Variants in DSTYK observed in about 807,000 individuals in gnomAD.
DSTYK encodes the protein RIP-homologous kinase.
A neutral mutation model predicts 98.7 loss-of-function variants in DSTYK; 34 were observed. The ratio of observed to expected loss-of-function variants is 0.34; its 90% CI spans 0.26 to 0.46. DSTYK has a LOEUF of 0.46. Ranked by LOEUF, DSTYK falls within the 20% of genes least tolerant of loss-of-function variation. The probability of loss-of-function intolerance (pLI) is 1.00; values close to 1 mark genes in which losing one functional copy is unlikely to be tolerated. For synonymous variants in DSTYK, 462 were observed against 457.3 expected, an observed-to-expected ratio of 1.01 and a Z score of -0.13; for missense variants, 962 against 1,181.7, an observed-to-expected ratio of 0.81 and a Z score of 2.73.
intron 1 of DSTYK, among the ~76,000 whole-genome samples, chr1:205,201,405 C>CAAAAA (rs67120994): frequency 6.8e-4 from 65 of 95,432 alleles, no homozygotes; most frequent in Non-Finnish European, 1.0e-3. Context: ...TTTTTTAATG[C>CAAAAA]AAAAAAAAAA....
At position 205,162,049 on chromosome 1, in the gene DSTYK, G is replaced by C; in HGVS notation, c.1805C>G (p.Ala602Gly). 1.2e-6 allele frequency: 2 copies of C among 1,613,492 alleles called. No homozygotes were observed. Among genetic ancestry groups the C allele is most frequent in the Non-Finnish European group, 1.7e-6 (2 of 1,179,520 alleles). Residue 602 changes from alanine to glycine, a missense_variant, in exon 6 of 13, where the codon GCC (alanine) becomes GGC (glycine). Ala to Gly is a moderately conservative substitution (Grantham distance 60). This residue lies in a region of DSTYK where 660 missense variants were observed against 855.0 expected (regional missense o/e 0.77). Coordinates refer to ENST00000367162, the MANE Select transcript of DSTYK (RefSeq NM_015375.3). Reference sequence around the variant, plus strand: ...CTACATACCAACCTGCCGCAAGGAGGCTGCAAAAGCCTCGTGGGAACTATT... The same window carrying C: ...CTACATACCAACCTGCCGCAAGGAGCCTGCAAAAGCCTCGTGGGAACTATT... ...RLNSSHEAFA[A>G]SLRQLEAGHS...
In DSTYK at chr1:205,150,866, A is replaced by C; in HGVS notation, c.2353-72T>G. 26 of 1,166,390 alleles carry C rather than the reference A, an allele frequency of 2.2e-5. No homozygotes were observed. The highest frequency in any genetic ancestry group is 3.2e-5 in the Non-Finnish European group (25 of 779,626). The allele number at this position is 1,166,390 out of a possible 1,614,324, so 72.3% of individuals were successfully genotyped here. A position where few individuals can be genotyped will look rare whatever the true frequency, so the allele number is the denominator to read the frequency against. ...ACAGCACTGCTGCGTACCTAAGCTC[A>C]AAGGTAGGTACCTCAAAGTAGTGTC... On this transcript the variant is annotated intron_variant, in intron 10 of 12. Coordinates refer to ENST00000367162, the MANE Select transcript of DSTYK (RefSeq NM_015375.3). This position sits in a 1 kb window ranked among gnomAD's most constrained non-coding sequence, Gnocchi z 4.1.
intron 10 of DSTYK, 37 bp downstream of exon 10, chr1:205,157,236 G>C (rs769550887): frequency 2.6e-6 from 4 of 1,560,678 alleles, no homozygotes; most frequent in Admixed American, 1.7e-5. Context: ...CAGCCACAGA[G>C]GTAGGGTATA....
intron 2 of DSTYK, among the ~76,000 whole-genome samples, chr1:205,176,394 T>G (rs961808687): frequency 2.0e-5 from 3 of 147,424 alleles, no homozygotes; most frequent in Non-Finnish European, 1.5e-5. Flanking sequence ...GAGAATTGCT[T>G]GAGCCCAGGA....
chr1:205,152,536 T>A (rs1454440127), intron 10 of DSTYK, among the ~76,000 whole-genome samples: 1 of 152,240 alleles, frequency 6.6e-6, no homozygotes, highest in Non-Finnish European at 1.5e-5. Flanking sequence ...CAAACTGTCA[T>A]TGCGCAGTGC....
intron 1 of DSTYK, among the ~76,000 whole-genome samples, chr1:205,201,181 A>G (rs940787487): frequency 2.6e-5 from 4 of 152,174 alleles, no homozygotes; most frequent in Admixed American, 6.5e-5. Flanking sequence ...CTGGGATTAC[A>G]GGCATGAGCC....
At chr1:205,193,537 C>T (rs113490219) in intron 1 of DSTYK, among the ~76,000 whole-genome samples, 3,594 of 152,156 alleles carry the variant, frequency 0.024, 58 homozygotes, top group East Asian at 0.067. Context: ...CCTTAAGCTA[C>T]TCACAGAAAC....
chr1:205,194,190 G>A (rs1048305599), intron 1 of DSTYK, among the ~76,000 whole-genome samples: 4 of 152,160 alleles, frequency 2.6e-5, no homozygotes, highest in Non-Finnish European at 4.4e-5. Flanking sequence ...AAAGGCTCCC[G>A]TGTCACATAA....
At chr1:205,209,189 T>C (rs1451842012) in intron 1 of DSTYK, among the ~76,000 whole-genome samples, 1 of 152,206 alleles carries the variant, frequency 6.6e-6, no homozygotes, top group Non-Finnish European at 1.5e-5. Flanking sequence ...TCCATCTCTC[T>C]GAGGTTAATC....
rs182604146 is a variant in DSTYK, at chr1:205,182,127, G to A, written c.654+5291C>T. On this transcript the variant is annotated intron_variant, in intron 2 of 12. Transcript: ENST00000367162. Reference sequence around the variant, plus strand: ...AAACAAAAACAATTAGTGGCCAGGCGTGGTGGCTCATCCCTGTAATCCCAG... The same window carrying A: ...AAACAAAAACAATTAGTGGCCAGGCATGGTGGCTCATCCCTGTAATCCCAG... Among the ~76,000 whole-genome samples the A allele has an allele frequency of 1.4e-4, 22 of 152,074 alleles. 1 individual carries two copies. The East Asian group carries it at 3.7e-3, about 25-fold the overall frequency.
intron 1 of DSTYK, among the ~76,000 whole-genome samples, chr1:205,210,209 GGGTCTTTTCAT>G (rs1402205575): frequency 6.6e-6 from 1 of 151,958 alleles, no homozygotes; most frequent in Non-Finnish European, 1.5e-5. Flanking sequence ...GGCCTCTTCA[GGGTCTTTTCAT>G]GTTAAATTAG....
intron 2 of DSTYK, among the ~76,000 whole-genome samples, chr1:205,176,652 G>C (rs1574775111): frequency 6.6e-6 from 1 of 151,620 alleles, no homozygotes; most frequent in African/African-American, 2.4e-5. Context: ...AAGTTGCCCA[G>C]GCTGGTCTTA....
intron 1 of DSTYK, chr1:205,202,671 AGAG>A (rs1659078125): frequency 2.5e-6 from 3 of 1,177,708 alleles, no homozygotes; most frequent in Admixed American, 3.4e-5. Flanking sequence ...CTAAACCAGA[AGAG>A]GAGGGTGCCC....
rs6686409 is a variant in DSTYK, at chr1:205,164,651, C to T, written c.1325-696G>A. 8.6e-3 allele frequency among the ~76,000 whole-genome samples: 1,312 copies of T among 152,046 alleles called. 22 individuals carry two copies. The highest frequency in any genetic ancestry group is 0.03 in the African/African-American group (1,256 of 41,482). ...TGATTTTTTGTATTTTTAGTAGAGACGGGGTTTCCCCATGTTGGCCAGGAT... is the reference window on the plus strand; with the variant it reads ...TGATTTTTTGTATTTTTAGTAGAGATGGGGTTTCCCCATGTTGGCCAGGAT... On this transcript the variant is annotated intron_variant, in intron 3 of 12. Transcript: ENST00000367162.
intron 5 of DSTYK, 118 bp from the exon 6 acceptor site, chr1:205,162,330 A>G: frequency 8.3e-7 from 1 of 1,199,396 alleles, no homozygotes; most frequent in Non-Finnish European, 1.2e-6. Context: ...ATAAGATGGG[A>G]GCCATACGAA....
chr1:205,182,733 G>A (rs1175121044), intron 2 of DSTYK, among the ~76,000 whole-genome samples: 1 of 151,670 alleles, frequency 6.6e-6, no homozygotes, highest in Admixed American at 6.6e-5. Context: ...TTGAACCTGG[G>A]AGGCAGAGGT....
intron 2 of DSTYK, among the ~76,000 whole-genome samples, chr1:205,182,067 T>C (rs1205940041): frequency 6.6e-6 from 1 of 152,078 alleles, no homozygotes; most frequent in Non-Finnish European, 1.5e-5. Flanking sequence ...AATATCTGTT[T>C]ATTAAAAACA....
At chr1:205,165,954 G>A (rs937975878) in intron 3 of DSTYK, among the ~76,000 whole-genome samples, 3 of 151,918 alleles carry the variant, frequency 2.0e-5, no homozygotes, top group Non-Finnish European at 4.4e-5. Flanking sequence ...CCCAGGAGGC[G>A]GAGGTTGTAG....
At chr1:205,165,681 T>C (rs1402946271) in intron 3 of DSTYK, among the ~76,000 whole-genome samples, 1 of 152,218 alleles carries the variant, frequency 6.6e-6, no homozygotes, top group Non-Finnish European at 1.5e-5. Context: ...TCTAACTATT[T>C]TGCTTCTAGG....
Sources: gnomAD v4.1 joint callset for allele counts (sites outside exome capture counted in the v4.1 genomes callset) on GRCh38, gnomAD v4.1.1 for gene constraint, gnomAD v4.1.1 regional missense constraint, Gnocchi (gnomAD v3.1) non-coding constraint, MANE v1.5 for transcripts, NCBI Gene and HGNC (gene_info 2026-07-23, HGNC 2026-07-21) for gene names.